SYNE2: variants seen among roughly 807,000 people sequenced by gnomAD.
SYNE2 encodes the protein spectrin repeat containing nuclear envelope protein 2, also known as nesprin-2.
Under a neutral mutation model 856.3 loss-of-function variants are expected in SYNE2, and 431 were observed. That is an observed-to-expected ratio of 0.50 (90% CI 0.47 to 0.55). The LOEUF (loss-of-function observed/expected upper bound fraction) is 0.55. Among genes scored for constraint, SYNE2 ranks in the 20% least tolerant of loss-of-function variants. The pLI, the probability that SYNE2 is intolerant of heterozygous loss-of-function variation, is 0.00. For missense variants in SYNE2, 8,129 were observed against 8,023.2 expected (o/e 1.01, Z -0.50); for synonymous variants, 2,923 against 2,872.3 (o/e 1.02, Z -0.56).
chr14:63,773,657 G>T (rs1166662970), intron 1 of SYNE2, among the ~76,000 whole-genome samples: 2 of 152,036 alleles, frequency 1.3e-5, no homozygotes, highest in African/African-American at 4.8e-5. Flanking sequence ...AAACTCCTCG[G>T]TTCAAACAAT....
chr14:64,113,206 TTTCTCTTTTCTTTCTTCCTTC>T, intron 65 of SYNE2, 114 bp from the exon 66 acceptor site: 2 of 1,525,074 alleles, frequency 1.3e-6, no homozygotes, highest in Non-Finnish European at 1.7e-6. Context: ...TGGAGGTGCA[TTTCTCTTTTCTTTCTTCCTTC>T]TTCTGTCCTG....
At chr14:64,190,715 T>C in intron 99 of SYNE2, 1 of 672,910 alleles carries the variant, frequency 1.5e-6, no homozygotes, top group Non-Finnish European at 2.7e-6. Flanking sequence ...GTGTGTGGGC[T>C]CAGAGTGCCA....
intron 1 of SYNE2, among the ~76,000 whole-genome samples, chr14:63,818,024 C>CAAAAAAAA (rs34186501): frequency 1.5e-5 from 1 of 64,764 alleles, no homozygotes. Flanking sequence ...GACCCTTTCT[C>CAAAAAAAA]AAAAAAAAAA....
intron 1 of SYNE2, among the ~76,000 whole-genome samples, chr14:63,889,713 A>G (rs2095082635): frequency 6.6e-6 from 1 of 152,106 alleles, no homozygotes; most frequent in Non-Finnish European, 1.5e-5. Flanking sequence ...CCTGGGCTCA[A>G]GTGATCCTCC....
chr14:63,862,234 G>A (rs781631651), intron 1 of SYNE2, among the ~76,000 whole-genome samples: 3 of 152,188 alleles, frequency 2.0e-5, no homozygotes, highest in Non-Finnish European at 2.9e-5. Context: ...CAAAACAACA[G>A]TTGGACACAT....
intron 1 of SYNE2, among the ~76,000 whole-genome samples, chr14:63,894,776 T>C (rs1304449448): frequency 6.6e-6 from 1 of 152,208 alleles, no homozygotes; most frequent in Admixed American, 6.5e-5. Context: ...CACTACGTTC[T>C]CTCTCTCCAT....
intron 7 of SYNE2, among the ~76,000 whole-genome samples, chr14:63,951,059 A>G (rs1285475580): frequency 6.6e-6 from 1 of 151,598 alleles, no homozygotes; most frequent in Non-Finnish European, 1.5e-5. Flanking sequence ...TTGGTAGACA[A>G]TTTACTTTTC....
chr14:64,225,609 CTT>C lies in SYNE2; in HGVS notation c.*84_*85del, dbSNP rs1183031394. ...CGTGGCCCCAGACCAATCTGAGTGA[CTT>C]AGTGTTGGCAAGGTCCCGGGACCTG... On this transcript the variant is annotated 3_prime_UTR_variant, in exon 116 of 116. Transcript: ENST00000555002. 1 of 1,461,538 alleles carries C rather than the reference CTT, an allele frequency of 6.8e-7. No homozygotes were observed. The highest frequency in any genetic ancestry group is 1.4e-5 in the African/African-American group (1 of 71,490). 90.5% of individuals were successfully genotyped at this position (1,461,538 alleles called of 1,614,324 possible).
chr14:64,022,120 G>GATT, intron 37 of SYNE2, 92 bp downstream of exon 37: 10 of 1,249,908 alleles, frequency 8.0e-6, no homozygotes, highest in East Asian at 2.3e-5. Context: ...GCCTGACTTA[G>GATT]AGATGGTTTG....
At chr14:63,858,261 CCT>C (rs1892424939) in intron 1 of SYNE2, among the ~76,000 whole-genome samples, 1 of 99,500 alleles carries the variant, frequency 1.0e-5, no homozygotes, top group East Asian at 3.4e-4. Flanking sequence ...TCCACACCGG[CCT>C]TTTTTTTTTT....
chr14:63,822,140 G>A (rs1434499761), intron 1 of SYNE2, among the ~76,000 whole-genome samples: 1 of 151,338 alleles, frequency 6.6e-6, no homozygotes, highest in African/African-American at 2.4e-5. Context: ...GCTGTGAGCC[G>A]AGATCACACC....
chr14:63,995,748 T>G (rs1186143209), intron 23 of SYNE2, among the ~76,000 whole-genome samples: 9 of 119,760 alleles, frequency 7.5e-5, no homozygotes, highest in African/African-American at 3.3e-4. Context: ...TATCTATCTA[T>G]CTATCTATCT....
chr14:63,967,605 A>G (rs2096412236), intron 10 of SYNE2, 104 bp from the exon 11 acceptor site: 4 of 1,257,150 alleles, frequency 3.2e-6, no homozygotes, highest in Non-Finnish European at 4.4e-6. Flanking sequence ...ACCTTTAAGT[A>G]AAAACTTAAA....
At position 64,190,159 on chromosome 14, in the gene SYNE2, C is replaced by T. The variant is rs775240169; in HGVS notation, c.17960C>T (p.Ser5987Leu). The change falls in exon 99 of 116, where the codon TCA becomes TTA. Residue 5987 changes from serine (S) to leucine (L), a missense_variant. By Grantham distance (145) the Ser-to-Leu change is moderately radical. Coordinates refer to ENST00000555002, the MANE Select transcript of SYNE2 (RefSeq NM_182914.3). The stretch of plus-strand genomic sequence containing the variant: ...CAGTTGATCAAGGCCAGCAACAAAT[C>T]AAGAGCAGCTGAGATCGATGACAAG... Reference protein sequence around the residue: ...GDQLIKASNKSRAAEIDDKLN... With the variant: ...GDQLIKASNKLRAAEIDDKLN... 6.2e-7 allele frequency: 1 copy of T among 1,614,066 alleles called. No individual in the cohort carries two copies. The highest frequency in any genetic ancestry group is 8.5e-7 in the Non-Finnish European group (1 of 1,180,012).
intron 1 of SYNE2, among the ~76,000 whole-genome samples, chr14:63,835,716 G>A (rs1313531635): frequency 1.3e-5 from 2 of 152,014 alleles, no homozygotes; most frequent in African/African-American, 2.4e-5. Flanking sequence ...GGGCGTGGTG[G>A]CTAACGCCTG....
At chr14:63,940,976 T>C (rs2095906572) in intron 3 of SYNE2, among the ~76,000 whole-genome samples, 3 of 152,206 alleles carry the variant, frequency 2.0e-5, no homozygotes, top group Admixed American at 6.5e-5. Flanking sequence ...TTGCATATAA[T>C]AAATGTTATA....
At chr14:64,001,188 T>C (rs2096752093) in intron 28 of SYNE2, among the ~76,000 whole-genome samples, 1 of 152,182 alleles carries the variant, frequency 6.6e-6, no homozygotes, top group Non-Finnish European at 1.5e-5. Context: ...CATTTCAATT[T>C]ATTATCAGTA....
intron 100 of SYNE2, among the ~76,000 whole-genome samples, chr14:64,207,166 G>A (rs781046706): frequency 1.7e-4 from 26 of 152,180 alleles, no homozygotes; most frequent in Non-Finnish European, 2.8e-4. Flanking sequence ...ATTTGTACTC[G>A]GGATCAGTGT....
Position 64,049,599 on chromosome 14 carries a change from A to T in SYNE2, c.7378-12A>T, listed in dbSNP as rs763158595. ...GAGTGTTTATTGACTGATCTGTGTGACTTATTTTTAGAAATTATATACCCA... is the reference window on the plus strand; with the variant it reads ...GAGTGTTTATTGACTGATCTGTGTGTCTTATTTTTAGAAATTATATACCCA... On this transcript the variant is annotated splice_polypyrimidine_tract_variant and intron_variant, in intron 46 of 115. Transcript: ENST00000555002. 9.3e-6 allele frequency: 15 copies of T among 1,613,642 alleles called. No individual in the cohort carries two copies. The highest frequency in any genetic ancestry group is 1.2e-5 in the Non-Finnish European group (14 of 1,179,788).
Sources: gnomAD v4.1 joint callset for allele counts (sites outside exome capture counted in the v4.1 genomes callset) on GRCh38, gnomAD v4.1.1 for gene constraint, MANE v1.5 for transcripts, NCBI Gene and HGNC (gene_info 2026-07-23, HGNC 2026-07-21) for gene names.